The following MROH7 variants were observed in gnomAD, a reference collection of about 807,000 sequenced individuals.
The protein encoded by MROH7 is maestro heat like repeat family member 7.
A neutral mutation model predicts 129.2 loss-of-function variants in MROH7; 113 were observed. That is an observed-to-expected ratio of 0.87 (90% CI 0.75 to 1.02). MROH7 has a LOEUF of 1.02. MROH7 is among the 50% of genes least tolerant of loss of function. The pLI is 0.00. For synonymous variants in MROH7, 655 were observed against 667.9 expected, an observed-to-expected ratio of 0.98 and a Z score of 0.30; for missense variants, 1,601 against 1,671.3, an observed-to-expected ratio of 0.96 and a Z score of 0.73.
At position 54,692,491 on chromosome 1, in the gene MROH7, G is replaced by T; in HGVS notation, c.2779G>T (p.Glu927Ter). The T allele has an allele frequency of 6.2e-7, 1 of 1,614,092 alleles. No individual in the cohort carries two copies. Among genetic ancestry groups the T allele is most frequent in the Non-Finnish European group, 8.5e-7 (1 of 1,180,024 alleles). Residue 927 changes from glutamate (E) to a stop codon, truncating the protein, a stop_gained, in exon 16 of 24, where the codon GAG (glutamate) becomes TAG (stop). Transcript: ENST00000421030. LOFTEE classifies it high-confidence loss of function. Reference sequence around the variant, plus strand: ...CTGCTCTTATGAGACCACGTTTCTGGAGGACCAGGGTGGCTGGGAGCTCAT... The same window carrying T: ...CTGCTCTTATGAGACCACGTTTCTGTAGGACCAGGGTGGCTGGGAGCTCAT... ...MGCSYETTFL[E>*]DQGGWELMEQ...
intron 22 of MROH7, among the ~76,000 whole-genome samples, chr1:54,707,510 G>T (rs1265781438): frequency 6.6e-6 from 1 of 152,174 alleles, no homozygotes; most frequent in African/African-American, 2.4e-5. Context: ...GGCGATAGGG[G>T]GTGGCTGTTA....
chr1:54,702,295 G>A (rs1231429332), intron 20 of MROH7, 50 bp downstream of exon 20: 1 of 1,362,112 alleles, frequency 7.3e-7, no homozygotes, highest in Admixed American at 3.4e-5. Context: ...GGGTCCTGTG[G>A]GCGCACCTCT....
chr1:54,644,546 T>C (rs1484632719), intron 1 of MROH7, among the ~76,000 whole-genome samples: 1 of 152,126 alleles, frequency 6.6e-6, no homozygotes, highest in East Asian at 1.9e-4. Context: ...TTTCACCATG[T>C]TGGCCAGGCT....
intron 4 of MROH7, among the ~76,000 whole-genome samples, chr1:54,666,253 G>C (rs976911657): frequency 5.3e-5 from 8 of 152,138 alleles, no homozygotes; most frequent in Admixed American, 1.3e-4. Flanking sequence ...CACAAAGGCA[G>C]ATTAATTGGA....
At chr1:54,668,096 TA>T (rs1311864833) in intron 4 of MROH7, among the ~76,000 whole-genome samples, 2 of 152,238 alleles carry the variant, frequency 1.3e-5, no homozygotes, top group East Asian at 3.9e-4. Context: ...GCATGGTCTG[TA>T]ATCATTGTCT....
chr1:54,692,327 T>G, intron 15 of MROH7, 97 bp from the exon 16 acceptor site: 2 of 1,493,748 alleles, frequency 1.3e-6, no homozygotes, highest in Non-Finnish European at 1.8e-6. Flanking sequence ...TGAAGAGAAG[T>G]TTGTCGGGCC....
chr1:54,679,834 G>GC, intron 12 of MROH7, 57 bp from the exon 13 acceptor site: 1 of 1,542,570 alleles, frequency 6.5e-7, no homozygotes. Flanking sequence ...CCTTCCTGCT[G>GC]CCCCCGTGCT....
At chr1:54,671,030 A>G (rs1444960068) in intron 7 of MROH7, 101 bp downstream of exon 7, 2 of 1,328,208 alleles carry the variant, frequency 1.5e-6, no homozygotes, top group African/African-American at 1.5e-5. Context: ...GCCTTGGGCA[A>G]TTCAACTGAC....
At position 54,668,912 on chromosome 1, in the gene MROH7, A is replaced by G. The variant is rs2304314; in HGVS notation, c.1364A>G (p.Lys455Arg). 0.024 allele frequency: 38,103 copies of G among 1,613,384 alleles called. 580 individuals are homozygous for G. The highest frequency in any genetic ancestry group is 0.042 in the South Asian group (3,867 of 91,052). Residue 455 changes from lysine to arginine, a missense_variant, in exon 5 of 24, where the codon AAG becomes AGG. Lys to Arg is a conservative substitution (Grantham distance 26). Coordinates refer to ENST00000421030, the MANE Select transcript of MROH7 (RefSeq NM_001039464.4). ...SQDLLEAEGE[K>R]KTMIKKIMRQ... Reference sequence around the variant, plus strand: ...GATCTGCTGGAGGCAGAAGGAGAAAAGAAGACCATGATAAAGAAGATTATG... The same window carrying G: ...GATCTGCTGGAGGCAGAAGGAGAAAGGAAGACCATGATAAAGAAGATTATG...
intron 3 of MROH7, among the ~76,000 whole-genome samples, chr1:54,664,372 C>A (rs1644779766): frequency 6.6e-6 from 1 of 152,226 alleles, no homozygotes; most frequent in Non-Finnish European, 1.5e-5. Context: ...GTGGCCTTTG[C>A]AGAGCCCCAG....
chr1:54,661,554 A>C (rs920776067), intron 3 of MROH7, among the ~76,000 whole-genome samples: 1 of 151,254 alleles, frequency 6.6e-6, no homozygotes, highest in African/African-American at 2.4e-5. Context: ...TACTGGTCAT[A>C]TAGTAGGTAC....
chr1:54,650,424 A>G (rs1644535992), intron 1 of MROH7, among the ~76,000 whole-genome samples: 1 of 152,206 alleles, frequency 6.6e-6, no homozygotes, highest in Admixed American at 6.5e-5. Flanking sequence ...TAAATGAAGA[A>G]GTGATGAAAT....
intron 15 of MROH7, 151 bp from the exon 16 acceptor site, chr1:54,692,273 A>G: frequency 1.1e-6 from 1 of 922,214 alleles, no homozygotes; most frequent in African/African-American, 1.7e-5. Context: ...TATTTGTAAA[A>G]AGCCACCCTT....
chr1:54,661,840 C>T (rs898437650), intron 3 of MROH7, among the ~76,000 whole-genome samples: 1 of 152,138 alleles, frequency 6.6e-6, no homozygotes, highest in Non-Finnish European at 1.5e-5. Flanking sequence ...AGGTGACCCA[C>T]CTGCCTTGGT....
chr1:54,654,744 AT>A (rs1348843181), intron 3 of MROH7, among the ~76,000 whole-genome samples: 3 of 152,180 alleles, frequency 2.0e-5, no homozygotes, highest in Non-Finnish European at 4.4e-5. Context: ...TCAACAAACT[AT>A]CCCTTCCATT....
In MROH7 at chr1:54,703,448, T is replaced by C. The variant is rs1239537966; in HGVS notation, c.3564+703T>C. Reference sequence around the variant, plus strand: ...GAAGACAAGTAAGTTTGGGAAATACTGCACTGACATTCTCCTCTTGGAGAT... The same window carrying C: ...GAAGACAAGTAAGTTTGGGAAATACCGCACTGACATTCTCCTCTTGGAGAT... On this transcript the variant is annotated intron_variant, in intron 21 of 23. Transcript: ENST00000421030. The surrounding 1 kb of genome is among the most constrained non-coding windows in gnomAD (Gnocchi z 4.4). 1.3e-5 allele frequency among the ~76,000 whole-genome samples: 2 copies of C among 152,242 alleles called. No homozygotes were observed. Among genetic ancestry groups the C allele is most frequent in the Non-Finnish European group, 2.9e-5 (2 of 68,040 alleles).
In MROH7 at chr1:54,653,649, C is replaced by T. The variant is rs1199136348; in HGVS notation, c.723C>T (p.Ile241=). The part of the protein sequence containing the change: ...NVAPDSHGTL[I]PDTNETITLA... ...CTCCAGATTCTCATGGGACCCTAAT[C>T]CCAGACACAAATGAGACCATCACTT... is the stretch of plus-strand genomic sequence containing the variant. Residue 241 remains isoleucine, a synonymous_variant, in exon 3 of 24, where the codon ATC becomes ATT. Coordinates refer to ENST00000421030, the MANE Select transcript of MROH7 (RefSeq NM_001039464.4). 5 of 1,614,034 alleles carry T rather than the reference C, an allele frequency of 3.1e-6. No homozygotes were observed. The highest frequency in any genetic ancestry group is 4.5e-5 in the East Asian group (2 of 44,888).
At chr1:54,648,315 G>C (rs982593158) in intron 1 of MROH7, among the ~76,000 whole-genome samples, 11 of 151,320 alleles carry the variant, frequency 7.3e-5, no homozygotes, top group Admixed American at 3.3e-4. Context: ...CCTTATGTCA[G>C]TACCACACTG....
At chr1:54,658,780 G>A (rs1644686532) in intron 3 of MROH7, among the ~76,000 whole-genome samples, 1 of 152,150 alleles carries the variant, frequency 6.6e-6, no homozygotes, top group Admixed American at 6.5e-5. Context: ...TTTGGTGTGT[G>A]TGTGTGTCTA....
Sources: gnomAD v4.1 joint callset for allele counts (sites outside exome capture counted in the v4.1 genomes callset) on GRCh38, gnomAD v4.1.1 for gene constraint, Gnocchi (gnomAD v3.1) non-coding constraint, MANE v1.5 for transcripts, NCBI Gene and HGNC (gene_info 2026-07-23, HGNC 2026-07-21) for gene names.